The following D2HGDH variants were observed in gnomAD, a reference collection of about 807,000 sequenced individuals.
D2HGDH encodes D-2-hydroxyglutarate dehydrogenase, mitochondrial.
Under a neutral mutation model 46.9 loss-of-function variants are expected in D2HGDH, and 31 were observed. That is an observed-to-expected ratio of 0.66 (90% CI 0.50 to 0.89). D2HGDH has a LOEUF of 0.89. D2HGDH is among the 40% of genes least tolerant of loss of function. The pLI is 0.00. For missense variants in D2HGDH, 698 were observed against 720.8 expected, an observed-to-expected ratio of 0.97 and a Z score of 0.36; for synonymous variants, 364 against 332.6, an observed-to-expected ratio of 1.09 and a Z score of -1.03.
In D2HGDH at chr2:241,758,767, ATATG is replaced by A. The variant is rs1476640378; in HGVS notation, c.1306+2755_1306+2758del. Among the ~76,000 whole-genome samples the A allele has an allele frequency of 3.0e-3, 318 of 106,206 alleles. 1 individual carries two copies. Among genetic ancestry groups the A allele is most frequent in the Non-Finnish European group, 4.2e-3 (189 of 45,392 alleles). The allele number at this position is 106,206 out of a possible 152,430, so 69.7% of individuals were successfully genotyped here. ...TCTATACCGCCCCCCGCCCCACAAT[ATATG>A]TGTGTGTGTGTGTGTGTGTGTGTGT... On this transcript the variant is annotated intron_variant, in intron 9 of 9. Coordinates refer to ENST00000321264, the MANE Select transcript of D2HGDH (RefSeq NM_152783.5).
intron 2 of D2HGDH, among the ~76,000 whole-genome samples, chr2:241,740,140 G>T (rs1419836576): frequency 6.6e-6 from 1 of 152,158 alleles, no homozygotes. Flanking sequence ...GTGAGACCCT[G>T]TTTCAAAAGA....
intron 8 of D2HGDH, among the ~76,000 whole-genome samples, chr2:241,754,255 G>A (rs140559288): frequency 0.017 from 2,646 of 152,316 alleles, 37 homozygotes; most frequent in Non-Finnish European, 0.025. Flanking sequence ...CCTCGCAGCC[G>A]TGCCCGTGCG....
chr2:241,739,024 G>A (rs537521743), intron 2 of D2HGDH, among the ~76,000 whole-genome samples: 3 of 152,370 alleles, frequency 2.0e-5, no homozygotes, highest in South Asian at 2.1e-4. Flanking sequence ...TAGTGAGCAC[G>A]CCTGCACTGG....
chr2:241,749,427 C>CCCCAGAGACGCTGCAGCA, intron 6 of D2HGDH: 1 of 1,213,518 alleles, frequency 8.2e-7, no homozygotes, highest in Non-Finnish European at 1.1e-6. Flanking sequence ...CCTGCTGCAG[C>CCCCAGAGACGCTGCAGCA]GTCTCTGGGG....
chr2:241,741,966 G>T (rs879764294), intron 3 of D2HGDH, among the ~76,000 whole-genome samples: 1 of 152,246 alleles, frequency 6.6e-6, no homozygotes, highest in Non-Finnish European at 1.5e-5. Context: ...GCCACTGGGT[G>T]TGCTCTAGGC....
chr2:241,735,920 G>T lies in D2HGDH; in HGVS notation c.292+404G>T, dbSNP rs551371167. 3.0e-4 allele frequency: 72 copies of T among 241,644 alleles called. 1 individual carries two copies. The East Asian group carries it at 8.3e-3, about 28-fold the overall frequency. 15.0% of individuals were successfully genotyped at this position (241,644 alleles called of 1,614,324 possible). A position where few individuals can be genotyped will look rare whatever the true frequency, so the allele number is the denominator to read the frequency against. ...TGCGACTACAGGCGCCCGCCACCAC[G>T]TTCCGCTAATTTTTGTATTTTTAGT... On this transcript the variant is annotated intron_variant, in intron 2 of 9. Transcript: ENST00000321264.
intron 9 of D2HGDH, among the ~76,000 whole-genome samples, chr2:241,762,176 A>G (rs1167299458): frequency 7.1e-6 from 1 of 140,884 alleles, no homozygotes; most frequent in Non-Finnish European, 1.5e-5. Context: ...GGTTCAGGCG[A>G]TTCTCCTGCC....
rs367921003 is a variant in D2HGDH, at chr2:241,748,587, A to C, written c.854-1564A>C. Among the ~76,000 whole-genome samples the C allele has an allele frequency of 7.2e-5, 11 of 152,204 alleles. No homozygotes were observed. In the East Asian group the frequency reaches 2.1e-3, roughly 29 times the overall value. ...TGGTGCCCCTCCCACCATGGCTGCC[A>C]CTGTCCTCCCACAGCCAACCCAGCC... On this transcript the variant is annotated intron_variant, in intron 6 of 9. Transcript: ENST00000321264.
chr2:241,734,874 G>T (rs371090236), intron 1 of D2HGDH, 179 bp downstream of exon 1: 2 of 248,834 alleles, frequency 8.0e-6, no homozygotes, highest in Admixed American at 5.6e-5. Flanking sequence ...GCGTCCGCGG[G>T]ATCCCCTCGG....
intron 6 of D2HGDH, chr2:241,749,399 G>A (rs539547948): frequency 7.9e-7 from 1 of 1,258,070 alleles, no homozygotes; most frequent in Admixed American, 2.5e-5. Context: ...CGCCCTGAAA[G>A]GTGGGCACGG....
In D2HGDH at chr2:241,755,191, C is replaced by T. The variant is rs764629103; in HGVS notation, c.1141-658C>T. 3.0e-4 allele frequency: 390 copies of T among 1,296,530 alleles called. 1 individual carries two copies. Among genetic ancestry groups the T allele is most frequent in the Non-Finnish European group, 3.8e-4 (371 of 985,482 alleles). 80.3% of individuals were successfully genotyped at this position (1,296,530 alleles called of 1,614,324 possible). A position where few individuals can be genotyped will look rare whatever the true frequency, so the allele number is the denominator to read the frequency against. On this transcript the variant is annotated intron_variant, in intron 8 of 9. Coordinates refer to ENST00000321264, the MANE Select transcript of D2HGDH (RefSeq NM_152783.5). ...TCCTTCCTCCCCCGTGGCCCGCCCG[C>T]CGTGTCCCTCCTCCTCCACGGCCCG...
chr2:241,764,923 C>A lies in D2HGDH; in HGVS notation c.1307-2787C>A, dbSNP rs966570405. ...TTCTCTGAGCCGTCGCCTTCTTGAC[C>A]TCTGAGGTCAGAAGAGGAGGTTGTG... On this transcript the variant is annotated intron_variant, in intron 9 of 9. Coordinates refer to ENST00000321264, the MANE Select transcript of D2HGDH (RefSeq NM_152783.5). Among the ~76,000 whole-genome samples the A allele has an allele frequency of 2.6e-5, 4 of 152,208 alleles. No homozygotes were observed. In the South Asian group the frequency reaches 8.3e-4, roughly 32 times the overall value.
At position 241,743,211 on chromosome 2, in the gene D2HGDH, C is replaced by T. The variant is rs909572929; in HGVS notation, c.491-411C>T. On this transcript the variant is annotated intron_variant, in intron 4 of 9. Coordinates refer to ENST00000321264, the MANE Select transcript of D2HGDH (RefSeq NM_152783.5). This position sits in a 1 kb window ranked among gnomAD's most constrained non-coding sequence, Gnocchi z 4.8. ...CTCCAGGCCCCGGTCACTCTGTGGT[C>T]GGGCGCCTGCACTGTTGGGTGTTGA... 2.0e-5 allele frequency among the ~76,000 whole-genome samples: 3 copies of T among 152,328 alleles called. No homozygotes were observed. The highest frequency in any genetic ancestry group is 1.9e-4 in the East Asian group (1 of 5,176).
At chr2:241,749,465 G>C in intron 6 of D2HGDH, 4 of 1,033,294 alleles carry the variant, frequency 3.9e-6, no homozygotes, top group Non-Finnish European at 5.0e-6. Flanking sequence ...TCTCCACTCA[G>C]TTCCTTTCCA....
At chr2:241,763,894 A>G (rs1699050928) in intron 9 of D2HGDH, among the ~76,000 whole-genome samples, 1 of 152,138 alleles carries the variant, frequency 6.6e-6, no homozygotes, top group South Asian at 2.1e-4. Flanking sequence ...TTCTACAAAA[A>G]AAATAATCAG....
intron 6 of D2HGDH, chr2:241,748,790 G>T (rs1472380956): frequency 1.8e-6 from 2 of 1,124,584 alleles, no homozygotes; most frequent in Admixed American, 7.6e-5. Context: ...TCTCTGGGCG[G>T]CAGTGCCATC....
At chr2:241,764,895 C>G (rs1699145299) in intron 9 of D2HGDH, among the ~76,000 whole-genome samples, 1 of 152,344 alleles carries the variant, frequency 6.6e-6, no homozygotes, top group African/African-American at 2.4e-5. Flanking sequence ...TGTCCCCAGC[C>G]TCTTCTCTGA....
In D2HGDH at chr2:241,743,916, G is replaced by A; in HGVS notation, c.684+101G>A. The A allele has an allele frequency of 3.6e-6, 5 of 1,372,790 alleles. No homozygotes were observed. Among genetic ancestry groups the A allele is most frequent in the East Asian group, 2.5e-5 (1 of 39,782 alleles). The allele number at this position is 1,372,790 out of a possible 1,614,324, so 85.0% of individuals were successfully genotyped here. On this transcript the variant is annotated intron_variant, in intron 5 of 9. Transcript: ENST00000321264. This position sits in a 1 kb window ranked among gnomAD's most constrained non-coding sequence, Gnocchi z 4.8. ...GCACAGGTGCATGGGGCCCCTCGGG[G>A]TGGGAGGTCTTGGTTCCTGGCCCTG...
In D2HGDH at chr2:241,741,199, A is replaced by C. The variant is rs567724347; in HGVS notation, c.350+109A>C. On this transcript the variant is annotated intron_variant, in intron 3 of 9. Transcript: ENST00000321264. ...ACGCGGTGCGAAGCCAGCCGATGAC[A>C]TCTTGGTTTGTGTGTCTCAGTGTTT... 5.0e-6 allele frequency: 5 copies of C among 1,007,284 alleles called. No individual in the cohort carries two copies. In the African/African-American group the frequency reaches 8.0e-5, roughly 16 times the overall value. 62.4% of individuals were successfully genotyped at this position (1,007,284 alleles called of 1,614,324 possible). A position where few individuals can be genotyped will look rare whatever the true frequency, so the allele number is the denominator to read the frequency against.
Sources: allele counts gnomAD v4.1 joint callset (sites outside exome capture counted in the v4.1 genomes callset), GRCh38; gene constraint gnomAD v4.1.1; non-coding constraint Gnocchi (gnomAD v3.1); transcripts MANE v1.5; gene names NCBI Gene and HGNC (gene_info 2026-07-23, HGNC 2026-07-21).